The following PSIP1 variants were observed in gnomAD, a reference collection of about 807,000 sequenced individuals.
The protein encoded by PSIP1 is PC4 and SRSF1 interacting protein 1.
PSIP1 carries 19 observed loss-of-function variants against 74.7 expected under a neutral mutation model. The observed-to-expected ratio is 0.25, with a 90% CI of 0.18 to 0.37. The LOEUF is 0.37. Among genes scored for constraint, PSIP1 ranks in the 10% least tolerant of loss-of-function variants. PSIP1 has a pLI of 1.00. For missense variants in PSIP1, 601 were observed against 614.3 expected, an observed-to-expected ratio of 0.98 and a Z score of 0.23; for synonymous variants, 222 against 195.3, an observed-to-expected ratio of 1.14 and a Z score of -1.14.
chr9:15,499,368 A>G (rs991106861), intron 3 of PSIP1, among the ~76,000 whole-genome samples: 1 of 152,254 alleles, frequency 6.6e-6, no homozygotes, highest in Non-Finnish European at 1.5e-5. Context: ...TACTAGTTTT[A>G]TAATACTGAG....
At chr9:15,465,708 CTT>C in intron 15 of PSIP1, 128 bp from the exon 16 acceptor site, 1 of 712,038 alleles carries the variant, frequency 1.4e-6, no homozygotes, top group South Asian at 2.2e-5. Context: ...AAAAGAAAAA[CTT>C]GACTTGTTAT....
chr9:15,502,939 CA>C (rs2037413392), intron 3 of PSIP1, among the ~76,000 whole-genome samples: 1 of 152,206 alleles, frequency 6.6e-6, no homozygotes, highest in South Asian at 2.1e-4. Context: ...AATGCAGTTA[CA>C]AAAGAATTCT....
intron 2 of PSIP1, among the ~76,000 whole-genome samples, 178 bp downstream of exon 2, chr9:15,509,939 G>C (rs1473081030): frequency 6.6e-6 from 1 of 152,158 alleles, no homozygotes; most frequent in Admixed American, 6.5e-5. Context: ...GAAACGTCTG[G>C]ATTTTCATAA....
intron 6 of PSIP1, among the ~76,000 whole-genome samples, chr9:15,481,821 G>A (rs1355305723): frequency 1.3e-5 from 2 of 152,094 alleles, no homozygotes; most frequent in African/African-American, 4.8e-5. Context: ...GTGTGTTCAT[G>A]ACTATTATGG....
intron 3 of PSIP1, among the ~76,000 whole-genome samples, chr9:15,491,208 C>T (rs2036815662): frequency 6.6e-6 from 1 of 152,324 alleles, no homozygotes; most frequent in East Asian, 1.9e-4. Flanking sequence ...ATAACCTTCT[C>T]GCACTTAGCA....
intron 3 of PSIP1, among the ~76,000 whole-genome samples, chr9:15,500,210 T>C (rs1186909370): frequency 1.3e-5 from 2 of 152,220 alleles, no homozygotes; most frequent in Non-Finnish European, 1.5e-5. Context: ...CTCACGCCTG[T>C]AATCCCAGCA....
In PSIP1 at chr9:15,474,062, C is replaced by T. The variant is rs1346367491; in HGVS notation, c.805G>A (p.Val269Ile). 6.2e-7 allele frequency: 1 copy of T among 1,613,556 alleles called. No homozygotes were observed. Among genetic ancestry groups the T allele is most frequent in the Non-Finnish European group, 8.5e-7 (1 of 1,179,894 alleles). Residue 269 changes from valine to isoleucine, a missense_variant, in exon 9 of 16, where the codon GTT (valine) becomes ATT (isoleucine). By Grantham distance (29) the Val-to-Ile change is conservative (BLOSUM62 3). Around this residue, in one of 2 missense-constraint regions of PSIP1, gnomAD observed 538 missense variants for 507.6 expected, o/e 1.06. Coordinates refer to ENST00000380733, the MANE Select transcript of PSIP1 (RefSeq NM_033222.5). ...SKRKNLAKTG[V>I]TSTSDSEEEG... ...TCTTCAGAATCGGAGGTTGAAGTAACCCCTGTTTTAGCTAAATTTTTCCTT... is the reference window on the plus strand; with the variant it reads ...TCTTCAGAATCGGAGGTTGAAGTAATCCCTGTTTTAGCTAAATTTTTCCTT...
intron 4 of PSIP1, 46 bp from the exon 5 acceptor site, chr9:15,486,977 C>A (rs548969430): frequency 1.6e-6 from 2 of 1,231,452 alleles, no homozygotes; most frequent in South Asian, 2.7e-5. Flanking sequence ...AGTTTTTATC[C>A]CAATAATATA....
chr9:15,465,879 A>G lies in PSIP1; in HGVS notation c.1533-299T>C, dbSNP rs373105162. On this transcript the variant is annotated intron_variant, in intron 15 of 15. Coordinates refer to ENST00000380733, the MANE Select transcript of PSIP1 (RefSeq NM_033222.5). ...CTAGCATAAAAGTGAATTCTCTTTA[A>G]AGAACATGAGAATGTTTTATATCTG... is the stretch of plus-strand genomic sequence containing the variant. 29 of 289,996 alleles carry G rather than the reference A, an allele frequency of 1.0e-4. No individual in the cohort carries two copies. The East Asian group carries it at 1.8e-3, about 18-fold the overall frequency. The allele number at this position is 289,996 out of a possible 1,614,324, so 18.0% of individuals were successfully genotyped here.
At chr9:15,507,585 C>G (rs1166219448) in intron 2 of PSIP1, among the ~76,000 whole-genome samples, 1 of 152,012 alleles carries the variant, frequency 6.6e-6, no homozygotes. Context: ...TTGCAGTGAG[C>G]CGAGATCATG....
At chr9:15,501,871 C>T (rs1428087389) in intron 3 of PSIP1, among the ~76,000 whole-genome samples, 10 of 113,122 alleles carry the variant, frequency 8.8e-5, no homozygotes, top group South Asian at 2.9e-4. Context: ...ATATATAAAA[C>T]GCACACCCTC....
rs1223593491 is a variant in PSIP1, at chr9:15,490,008, T to C, written c.266A>G (p.Lys89Arg). ...EGLWEIDNNP[K>R]VKFSSQQAAT... ...TACCTGTTGACTTGAAAATTTCACT[T>C]TTGGATTGTTATCTATCTCCCATAA... is the stretch of plus-strand genomic sequence containing the variant. The change falls in exon 4 of 16, where the codon AAA becomes AGA. Residue 89 changes from lysine (K) to arginine (R), a missense_variant. Transcript: ENST00000380733. The C allele has an allele frequency of 6.3e-7, 1 of 1,581,868 alleles. No individual in the cohort carries two copies. Among genetic ancestry groups the C allele is most frequent in the Non-Finnish European group, 8.6e-7 (1 of 1,167,814 alleles).
In PSIP1 at chr9:15,510,064, G is replaced by A. The variant is rs950824128; in HGVS notation, c.72+53C>T. 1.3e-5 allele frequency: 20 copies of A among 1,498,740 alleles called. No homozygotes were observed. The African/African-American group carries it at 2.1e-4, about 16-fold the overall frequency. The allele number at this position is 1,498,740 out of a possible 1,614,324, so 92.8% of individuals were successfully genotyped here. A position where few individuals can be genotyped will look rare whatever the true frequency, so the allele number is the denominator to read the frequency against. ...AATAAAGAGACACGGTGGGCAGCAG[G>A]CCTCTGGAGAGGAGGGTAGCACTGC... On this transcript the variant is annotated intron_variant, in intron 2 of 15. Transcript: ENST00000380733.
intron 14 of PSIP1, among the ~76,000 whole-genome samples, chr9:15,467,258 A>T (rs1192297051): frequency 6.6e-6 from 1 of 152,214 alleles, no homozygotes; most frequent in African/African-American, 2.4e-5. Context: ...AAAATTTACT[A>T]TTTTAGAACA....
intron 8 of PSIP1, among the ~76,000 whole-genome samples, chr9:15,474,819 A>C (rs1440881211): frequency 6.6e-6 from 1 of 152,198 alleles, no homozygotes; most frequent in African/African-American, 2.4e-5. Flanking sequence ...AATTACTTTT[A>C]TGGTTGATAT....
In PSIP1 at chr9:15,509,641, T is replaced by G. The variant is rs527410387; in HGVS notation, c.72+476A>C. Among the ~76,000 whole-genome samples, 272 of 152,342 alleles carry G rather than the reference T, an allele frequency of 1.8e-3. 1 individual carries two copies. Among genetic ancestry groups the G allele is most frequent in the Middle Eastern group, 0.014 (4 of 294 alleles). Reference sequence around the variant, plus strand: ...ATTAAACAAGCAAATCCAGAAGGCCTCATCAAGTACAAGGTATTTTTTTTA... The same window carrying G: ...ATTAAACAAGCAAATCCAGAAGGCCGCATCAAGTACAAGGTATTTTTTTTA... On this transcript the variant is annotated intron_variant, in intron 2 of 15. Transcript: ENST00000380733.
At chr9:15,477,716 A>C (rs2036151133) in intron 8 of PSIP1, among the ~76,000 whole-genome samples, 3 of 152,108 alleles carry the variant, frequency 2.0e-5, no homozygotes, top group Admixed American at 2.0e-4. Context: ...AATGCAAAAA[A>C]CCAAAAAACA....
chr9:15,478,090 G>A (rs2036171941), intron 8 of PSIP1, among the ~76,000 whole-genome samples: 1 of 142,408 alleles, frequency 7.0e-6, no homozygotes, highest in Non-Finnish European at 1.5e-5. Context: ...TTGCAGCACT[G>A]CACTCCAGCC....
intron 8 of PSIP1, among the ~76,000 whole-genome samples, chr9:15,476,358 G>A (rs1301082134): frequency 6.6e-6 from 1 of 152,176 alleles, no homozygotes; most frequent in Non-Finnish European, 1.5e-5. Flanking sequence ...GGGTAAAACT[G>A]TTGGACCGCA....
Sources: allele counts gnomAD v4.1 joint callset (sites outside exome capture counted in the v4.1 genomes callset), GRCh38; gene constraint gnomAD v4.1.1; regional missense constraint gnomAD v4.1.1; transcripts MANE v1.5; gene names NCBI Gene and HGNC (gene_info 2026-07-23, HGNC 2026-07-21).